The following ADIPOR2 variants were observed in gnomAD, a reference collection of about 807,000 sequenced individuals.
ADIPOR2 encodes adiponectin receptor protein 2.
ADIPOR2 carries 18 observed loss-of-function variants against 40.9 expected under a neutral mutation model. The ratio of observed to expected loss-of-function variants is 0.44; its 90% confidence interval spans 0.30 to 0.65. The LOEUF is 0.65. Among genes scored for constraint, ADIPOR2 ranks in the 30% least tolerant of loss-of-function variants. The probability of loss-of-function intolerance (pLI) is 0.09; values close to 1 mark genes in which losing one functional copy is unlikely to be tolerated. For synonymous variants in ADIPOR2, 165 were observed against 166.4 expected (o/e 0.99, Z 0.06); for missense variants, 283 against 479.2 (o/e 0.59, Z 3.82).
chr12:1,776,492 T>C (rs1472398353), intron 3 of ADIPOR2, among the ~76,000 whole-genome samples: 2 of 152,200 alleles, frequency 1.3e-5, no homozygotes, highest in East Asian at 1.9e-4. Flanking sequence ...AGATAAACCA[T>C]GTGCCTGCCA....
chr12:1,701,324 C>T (rs188854643), intron 1 of ADIPOR2, among the ~76,000 whole-genome samples: 118 of 151,962 alleles, frequency 7.8e-4, no homozygotes, highest in Admixed American at 2.7e-3. Flanking sequence ...GATTGGGTTT[C>T]GCCTGTTGCC....
chr12:1,779,432 C>T (rs1860054), intron 4 of ADIPOR2, among the ~76,000 whole-genome samples: 19,978 of 152,048 alleles, frequency 0.13, 1,439 homozygotes, highest in African/African-American at 0.19. Context: ...GGTCACATGT[C>T]GTTTGATTCT....
intron 2 of ADIPOR2, among the ~76,000 whole-genome samples, chr12:1,768,991 C>A (rs1862442052): frequency 6.6e-6 from 1 of 152,078 alleles, no homozygotes; most frequent in Non-Finnish European, 1.5e-5. Flanking sequence ...TGTTTCTTGT[C>A]ATAATTTTGT....
intron 2 of ADIPOR2, chr12:1,761,097 G>A (rs530873028): frequency 2.0e-5 from 3 of 152,182 alleles, no homozygotes; most frequent in Admixed American, 1.3e-4. Context: ...ATCTCTTACT[G>A]TACCTAATTT....
intron 1 of ADIPOR2, among the ~76,000 whole-genome samples, chr12:1,718,567 C>T (rs1018535110): frequency 2.6e-5 from 4 of 152,024 alleles, no homozygotes; most frequent in African/African-American, 9.7e-5. Flanking sequence ...TGAAATTCAC[C>T]CATTTTAGAT....
intron 1 of ADIPOR2, among the ~76,000 whole-genome samples, chr12:1,718,306 C>T (rs1377737624): frequency 1.3e-5 from 2 of 151,942 alleles, no homozygotes; most frequent in Non-Finnish European, 2.9e-5. Context: ...TGTTACACTT[C>T]TTGGGATGGT....
intron 1 of ADIPOR2, among the ~76,000 whole-genome samples, chr12:1,692,983 C>T (rs540551648): frequency 7.2e-5 from 11 of 152,102 alleles, no homozygotes; most frequent in African/African-American, 2.4e-4. Flanking sequence ...GGTGAAACCC[C>T]GTCCCTATTA....
At chr12:1,751,339 A>G (rs11061969) in intron 1 of ADIPOR2, among the ~76,000 whole-genome samples, 1,973 of 152,258 alleles carry the variant, frequency 0.013, 49 homozygotes, top group African/African-American at 0.046. Flanking sequence ...AGAAAACAGT[A>G]TTGATAGGAA....
chr12:1,772,290 C>T (rs1303440175), intron 2 of ADIPOR2, among the ~76,000 whole-genome samples: 1 of 152,134 alleles, frequency 6.6e-6, no homozygotes. Flanking sequence ...GCCTAATGCT[C>T]TTATATGTTA....
intron 1 of ADIPOR2, among the ~76,000 whole-genome samples, chr12:1,744,113 ATTT>A (rs979269984): frequency 7.0e-6 from 1 of 143,082 alleles, no homozygotes; most frequent in Admixed American, 7.0e-5. Context: ...TTTTTTCTGT[ATTT>A]TTTTTTTTGA....
In ADIPOR2 at chr12:1,778,035, G is replaced by T; in HGVS notation, c.463+10G>T. The T allele has an allele frequency of 1.2e-6, 2 of 1,608,176 alleles. No individual in the cohort carries two copies. The highest frequency in any genetic ancestry group is 2.2e-5 in the South Asian group (2 of 90,238). On this transcript the variant is annotated intron_variant, in intron 4 of 7. Coordinates refer to ENST00000357103, the MANE Select transcript of ADIPOR2 (RefSeq NM_024551.3). ...TGGACACATCTCTTAGGTATGTAATGTCAGTGATGTAATGAGCTGGTGATT... is the reference window on the plus strand; with the variant it reads ...TGGACACATCTCTTAGGTATGTAATTTCAGTGATGTAATGAGCTGGTGATT...
chr12:1,759,781 C>T (rs1258127002), intron 2 of ADIPOR2, among the ~76,000 whole-genome samples: 3 of 152,102 alleles, frequency 2.0e-5, no homozygotes, highest in Non-Finnish European at 4.4e-5. Context: ...AATGTCAGCA[C>T]TTTGGGAGGC....
chr12:1,735,332 T>C (rs983743910), intron 1 of ADIPOR2, among the ~76,000 whole-genome samples: 3 of 152,212 alleles, frequency 2.0e-5, no homozygotes, highest in Non-Finnish European at 4.4e-5. Flanking sequence ...GTTGGATTCC[T>C]AGGTATTTTA....
At chr12:1,756,325 A>G (rs1862130058) in intron 2 of ADIPOR2, among the ~76,000 whole-genome samples, 1 of 151,610 alleles carries the variant, frequency 6.6e-6, no homozygotes, top group African/African-American at 2.4e-5. Flanking sequence ...TAATTTTTGT[A>G]TTTTTAGTAG....
chr12:1,743,596 G>T (rs974620171), intron 1 of ADIPOR2, among the ~76,000 whole-genome samples: 1 of 150,418 alleles, frequency 6.6e-6, no homozygotes, highest in Non-Finnish European at 1.5e-5. Flanking sequence ...GATTGCTTGG[G>T]CACAGAAATT....
intron 2 of ADIPOR2, among the ~76,000 whole-genome samples, chr12:1,767,707 A>G (rs1862413720): frequency 6.6e-6 from 1 of 152,212 alleles, no homozygotes; most frequent in African/African-American, 2.4e-5. Flanking sequence ...AAAGAGTCCT[A>G]GAAGTATTTC....
Position 1,732,259 on chromosome 12 carries a change from C to T in ADIPOR2, c.-86-21999C>T, listed in dbSNP as rs185058433. Reference sequence around the variant, plus strand: ...GTTTTGACACATGTATGAAAGGTATCCACTATTACAGTTATCACAGAATAG... The same window carrying T: ...GTTTTGACACATGTATGAAAGGTATTCACTATTACAGTTATCACAGAATAG... On this transcript the variant is annotated intron_variant, in intron 1 of 7. Coordinates refer to ENST00000357103, the MANE Select transcript of ADIPOR2 (RefSeq NM_024551.3). Among the ~76,000 whole-genome samples, 591 of 152,308 alleles carry T rather than the reference C, an allele frequency of 3.9e-3. 3 individuals are homozygous for T. The highest frequency in any genetic ancestry group is 0.025 in the South Asian group (120 of 4,826).
At chr12:1,707,306 G>A (rs1299719599) in intron 1 of ADIPOR2, among the ~76,000 whole-genome samples, 2 of 152,018 alleles carry the variant, frequency 1.3e-5, no homozygotes, top group African/African-American at 2.4e-5. Context: ...GTCATATGGT[G>A]TATATTTTGC....
chr12:1,782,712 A>G (rs1423914092), intron 6 of ADIPOR2, among the ~76,000 whole-genome samples: 1 of 152,160 alleles, frequency 6.6e-6, no homozygotes. Context: ...CTTAGAACTT[A>G]GGTCATATCC....
Sources: gnomAD v4.1 joint callset for allele counts (sites outside exome capture counted in the v4.1 genomes callset) on GRCh38, gnomAD v4.1.1 for gene constraint, MANE v1.5 for transcripts, NCBI Gene and HGNC (gene_info 2026-07-23, HGNC 2026-07-21) for gene names.